The following RNF150 variants were observed in gnomAD, a reference collection of about 807,000 sequenced individuals.
RNF150 encodes the protein ring finger protein 150.
RNF150 carries 24 observed loss-of-function variants against 39.3 expected under a neutral mutation model. That is an observed-to-expected ratio of 0.61 (90% CI 0.44 to 0.86). The LOEUF (loss-of-function observed/expected upper bound fraction) is 0.86. Ranked by LOEUF, RNF150 falls within the 40% of genes least tolerant of loss-of-function variation. RNF150 has a pLI of 0.00. For synonymous variants in RNF150, 255 were observed against 227.3 expected (o/e 1.12, Z -1.10); for missense variants, 502 against 587.8 (o/e 0.85, Z 1.51).
chr4:140,906,609 T>C (rs1730385533), intron 6 of RNF150, among the ~76,000 whole-genome samples: 2 of 152,296 alleles, frequency 1.3e-5, no homozygotes, highest in South Asian at 4.1e-4. Context: ...CAAAGGAAAT[T>C]TTCCCAGAGG....
chr4:140,973,237 GAA>G (rs967329815), intron 1 of RNF150, among the ~76,000 whole-genome samples: 1 of 152,040 alleles, frequency 6.6e-6, no homozygotes, highest in Non-Finnish European at 1.5e-5. Flanking sequence ...AAACTAGAAA[GAA>G]ATAAATTATT....
In RNF150 at chr4:140,863,600, A is replaced by AG. The variant is rs1424708587; in HGVS notation, c.*4660dup. Reference sequence around the variant, plus strand: ...TTTCTTGCAAGAGAGAAAACAAATCAGAAAAAAAGGGGAAGAGAGAAGATG... The same window carrying AG: ...TTTCTTGCAAGAGAGAAAACAAATCAGGAAAAAAAGGGGAAGAGAGAAGATG... On this transcript the variant is annotated 3_prime_UTR_variant, in exon 7 of 7. Transcript: ENST00000515673. 1 of 152,242 alleles carries AG rather than the reference A, an allele frequency of 6.6e-6. No individual in the cohort carries two copies. The highest frequency in any genetic ancestry group is 1.5e-5 in the Non-Finnish European group (1 of 68,042). The allele number at this position is 152,242 out of a possible 1,614,324, so 9.4% of individuals were successfully genotyped here.
At chr4:140,922,483 T>C (rs1399905688) in intron 5 of RNF150, among the ~76,000 whole-genome samples, 1 of 151,784 alleles carries the variant, frequency 6.6e-6, no homozygotes, top group African/African-American at 2.4e-5. Context: ...TACAAAGAAA[T>C]GGAAGAACAT....
intron 1 of RNF150, among the ~76,000 whole-genome samples, chr4:140,992,947 G>A (rs918684356): frequency 2.0e-5 from 3 of 152,034 alleles, no homozygotes; most frequent in African/African-American, 7.2e-5. Flanking sequence ...CAGAGCAGCA[G>A]GTGACCAAAG....
rs1302015783 is a variant in RNF150, at chr4:141,160,915, T to C, written c.-6+51879A>G. ...TCTTTATAAATTACCCAGTCTCAGG[T>C]ATTTCTTTATATCAATGAGAGAGTG... On this transcript the variant is annotated intron_variant, in intron 1 of 7. Coordinates refer to the RNF150 transcript ENST00000420921. Among the ~76,000 whole-genome samples, 4 of 152,338 alleles carry C rather than the reference T, an allele frequency of 2.6e-5. No homozygotes were observed. In the East Asian group the frequency reaches 7.7e-4, roughly 29 times the overall value.
chr4:141,034,530 T>C (rs1736070988), intron 1 of RNF150, among the ~76,000 whole-genome samples: 1 of 152,148 alleles, frequency 6.6e-6, no homozygotes, highest in Admixed American at 6.6e-5. Context: ...GGTAAACTGT[T>C]TGGTTTAAGA....
At chr4:141,135,492 G>T (rs1477108787), upstream of RNF150, among the ~76,000 whole-genome samples, 1 of 152,108 alleles carries the variant, frequency 6.6e-6, no homozygotes, top group Non-Finnish European at 1.5e-5. Context: ...GCCAAATCTG[G>T]GACAGTCTGA....
At chr4:140,956,057 T>C (rs745984794) in intron 2 of RNF150, among the ~76,000 whole-genome samples, 1 of 152,190 alleles carries the variant, frequency 6.6e-6, no homozygotes, top group Non-Finnish European at 1.5e-5. Flanking sequence ...AAGGCAATAT[T>C]GTTTATGAAA....
chr4:140,928,236 C>T (rs1731471770), intron 4 of RNF150, among the ~76,000 whole-genome samples: 1 of 152,130 alleles, frequency 6.6e-6, no homozygotes, highest in African/African-American at 2.4e-5. Context: ...TTAAGTACTA[C>T]ATTAGAATAA....
At chr4:140,943,956 G>GT (rs1732189365) in intron 4 of RNF150, among the ~76,000 whole-genome samples, 1 of 152,164 alleles carries the variant, frequency 6.6e-6, no homozygotes. Context: ...CAGGGAAACG[G>GT]TCTATCTATT....
At chr4:141,056,290 C>G (rs1736968672) in intron 1 of RNF150, among the ~76,000 whole-genome samples, 1 of 152,126 alleles carries the variant, frequency 6.6e-6, no homozygotes, top group Admixed American at 6.6e-5. Context: ...AACCCTAGCC[C>G]TTTCGGAGGC....
chr4:141,049,491 A>C (rs1157455968), intron 1 of RNF150, among the ~76,000 whole-genome samples: 2 of 152,170 alleles, frequency 1.3e-5, no homozygotes, highest in Non-Finnish European at 2.9e-5. Flanking sequence ...TCAATGGATA[A>C]GTGGGTAAAC....
chr4:141,130,129 G>C (rs918050233), intron 1 of RNF150, among the ~76,000 whole-genome samples: 10 of 152,202 alleles, frequency 6.6e-5, no homozygotes, highest in African/African-American at 1.9e-4. Flanking sequence ...AAGCTTTCAA[G>C]ATCTGGACTA....
At chr4:141,193,012 C>T (rs1728136002) in intron 1 of RNF150, among the ~76,000 whole-genome samples, 1 of 152,248 alleles carries the variant, frequency 6.6e-6, no homozygotes, top group Non-Finnish European at 1.5e-5. Context: ...TGGCCACCTT[C>T]TCTAAAACTC....
rs1431974342 is a variant in RNF150 at position 141,169,583 on chromosome 4, A to G, written c.-6+43211T>C. 2.6e-5 allele frequency among the ~76,000 whole-genome samples: 4 copies of G among 152,308 alleles called. No individual in the cohort carries two copies. The East Asian group carries it at 5.8e-4, about 22-fold the overall frequency. Reference sequence around the variant, plus strand: ...CAGGAAAAGGTCCAAGAATCACAATAAAAAGTTAATTTTTAACTTTAAGGA... The same window carrying G: ...CAGGAAAAGGTCCAAGAATCACAATGAAAAGTTAATTTTTAACTTTAAGGA... On this transcript the variant is annotated intron_variant, in intron 1 of 7. Coordinates refer to the RNF150 transcript ENST00000420921.
At chr4:140,888,664 G>T (rs1024205307) in intron 6 of RNF150, among the ~76,000 whole-genome samples, 7 of 152,186 alleles carry the variant, frequency 4.6e-5, no homozygotes, top group African/African-American at 1.4e-4. Context: ...CCTGACATTT[G>T]TCTTCCATTT....
At chr4:141,194,155 G>A (rs565576169) in intron 1 of RNF150, among the ~76,000 whole-genome samples, 3 of 152,296 alleles carry the variant, frequency 2.0e-5, no homozygotes, top group African/African-American at 7.2e-5. Flanking sequence ...GAAAAAATCT[G>A]ACAGGTACCC....
intron 1 of RNF150, among the ~76,000 whole-genome samples, chr4:141,184,172 G>T (rs1727961845): frequency 6.6e-6 from 1 of 152,094 alleles, no homozygotes; most frequent in East Asian, 1.9e-4. Flanking sequence ...AACATATGTT[G>T]TTTCCTGAAT....
intron 1 of RNF150, among the ~76,000 whole-genome samples, chr4:141,044,922 T>C (rs371370054): frequency 4.9e-4 from 75 of 152,362 alleles, no homozygotes; most frequent in African/African-American, 1.5e-3. Context: ...TAGTTTAATA[T>C]ATTAATGTTC....
Sources: gnomAD v4.1 joint callset for allele counts (sites outside exome capture counted in the v4.1 genomes callset) on GRCh38, gnomAD v4.1.1 for gene constraint, MANE v1.5 for transcripts, NCBI Gene and HGNC (gene_info 2026-07-23, HGNC 2026-07-21) for gene names.